The following ATP2B4 variants were observed in gnomAD, a reference collection of about 807,000 sequenced individuals.
ATP2B4 encodes ATPase plasma membrane Ca2+ transporting 4, also known as plasma membrane calcium-transporting ATPase 4.
ATP2B4 carries 39 observed loss-of-function variants against 110.3 expected under a neutral mutation model. That is an observed-to-expected ratio of 0.35 (90% CI 0.27 to 0.46). ATP2B4 has a LOEUF of 0.46. ATP2B4 is among the 20% of genes least tolerant of loss of function. ATP2B4 has a pLI of 1.00. For synonymous variants in ATP2B4, 538 were observed against 571.7 expected (o/e 0.94, Z 0.84); for missense variants, 1,135 against 1,530.9 (o/e 0.74, Z 4.32).
chr1:203,633,860 G>A (rs1328268411), intron 1 of ATP2B4, among the ~76,000 whole-genome samples: 1 of 152,040 alleles, frequency 6.6e-6, no homozygotes, highest in Non-Finnish European at 1.5e-5. Flanking sequence ...AGACTAGCCT[G>A]ACCAATATGG....
In ATP2B4 at chr1:203,741,358, T is replaced by C. The variant is rs1218597688; in HGVS notation, c.*1504T>C. ...CTGCCCAAAGCATCCCCTTCCCATC[T>C]GCCTCTCAGGAGTTGGGGACTTTGC... On this transcript the variant is annotated 3_prime_UTR_variant, in exon 21 of 21. Transcript: ENST00000357681. 1.3e-5 allele frequency: 2 copies of C among 152,650 alleles called. No individual in the cohort carries two copies. The highest frequency in any genetic ancestry group is 4.8e-5 in the African/African-American group (2 of 41,442). The allele number at this position is 152,650 out of a possible 1,614,324, so 9.5% of individuals were successfully genotyped here. A position where few individuals can be genotyped will look rare whatever the true frequency, so the allele number is the denominator to read the frequency against.
chr1:203,666,208 C>T (rs553394112), intron 1 of ATP2B4, among the ~76,000 whole-genome samples: 8 of 152,338 alleles, frequency 5.3e-5, no homozygotes, highest in African/African-American at 1.9e-4. Flanking sequence ...CAAGGGGATT[C>T]TCATAAGCCA....
Position 203,721,291 on chromosome 1 carries a change from C to T in ATP2B4, c.2693C>T (p.Ser898Phe). Residue 898 changes from serine to phenylalanine, a missense_variant, in exon 17 of 21, where the codon TCT becomes TTT. Physicochemically the swap from Ser to Phe is radical, Grantham distance 155 (BLOSUM62 -2). Coordinates refer to ENST00000357681, the MANE Select transcript of ATP2B4 (RefSeq NM_001684.5). ...LALATEPPTESLLKRRPYGRN... is the reference protein window; with the variant it reads ...LALATEPPTEFLLKRRPYGRN... ...CTGGCCACAGAGCCCCCTACGGAATCTCTGTTGAAGCGGCGCCCCTATGGC... is the reference window on the plus strand; with the variant it reads ...CTGGCCACAGAGCCCCCTACGGAATTTCTGTTGAAGCGGCGCCCCTATGGC... The T allele has an allele frequency of 3.7e-6, 6 of 1,614,256 alleles. No homozygotes were observed. Among genetic ancestry groups the T allele is most frequent in the Non-Finnish European group, 5.1e-6 (6 of 1,180,048 alleles).
chr1:203,653,223 A>G (rs1225219995), intron 1 of ATP2B4, among the ~76,000 whole-genome samples: 1 of 152,240 alleles, frequency 6.6e-6, no homozygotes, highest in Non-Finnish European at 1.5e-5. Flanking sequence ...AATCCAAGGC[A>G]AGATCCTAAA....
chr1:203,644,278 T>C (rs1162361832), intron 1 of ATP2B4, among the ~76,000 whole-genome samples: 1 of 147,312 alleles, frequency 6.8e-6, no homozygotes, highest in Non-Finnish European at 1.5e-5. Context: ...AAAAGAATGC[T>C]TGGATGGATG....
intron 20 of ATP2B4, among the ~76,000 whole-genome samples, chr1:203,736,869 C>T (rs1571783901): frequency 6.6e-6 from 1 of 152,182 alleles, no homozygotes; most frequent in Admixed American, 6.5e-5. Flanking sequence ...GAGGCCAGTG[C>T]TGGAGTTGGG....
At chr1:203,710,211 A>G (rs546288003) in intron 11 of ATP2B4, among the ~76,000 whole-genome samples, 4 of 152,184 alleles carry the variant, frequency 2.6e-5, no homozygotes, top group Admixed American at 2.0e-4. Flanking sequence ...ACTAAAAAAA[A>G]ATACAAAAAT....
intron 2 of ATP2B4, among the ~76,000 whole-genome samples, chr1:203,692,312 G>A (rs1358664355): frequency 6.6e-6 from 1 of 152,066 alleles, no homozygotes. Context: ...TGAGTAGCTG[G>A]GACCACAGGC....
At position 203,727,466 on chromosome 1, in the gene ATP2B4, G is replaced by C; in HGVS notation, c.3204G>C (p.Glu1068Asp). The change falls in exon 20 of 21, where the codon GAG becomes GAC. Residue 1068 changes from glutamate (E) to aspartate (D), a missense_variant. This residue lies in a region of ATP2B4 where 61 missense variants were observed against 123.4 expected (regional missense o/e 0.49). Transcript: ENST00000357681. ...CTGGGCATGGCACCACCAAAGAGGA[G>C]ATCACCAAGGATGCCGAGGGACTGG... ...KEAGHGTTKE[E>D]ITKDAEGLDE... 6.2e-7 allele frequency: 1 copy of C among 1,614,222 alleles called. No homozygotes were observed. Among genetic ancestry groups the C allele is most frequent in the South Asian group, 1.1e-5 (1 of 91,088 alleles).
At position 203,720,626 on chromosome 1, in the gene ATP2B4, G is replaced by A; in HGVS notation, c.2484G>A (p.Lys828=). 1 of 1,614,112 alleles carries A rather than the reference G, an allele frequency of 6.2e-7. No individual in the cohort carries two copies. The highest frequency in any genetic ancestry group is 8.5e-7 in the Non-Finnish European group (1 of 1,179,964). ...LTDDNFTSIV[K]AVMWGRNVYD... The stretch of plus-strand genomic sequence containing the variant: ...ATGACAACTTCACCAGCATTGTGAA[G>A]GCAGTGATGTGGGGACGAAATGTCT... The change falls in exon 16 of 21, where the codon AAG becomes AAA. Residue 828 remains lysine, a synonymous_variant. Coordinates refer to ENST00000357681, the MANE Select transcript of ATP2B4 (RefSeq NM_001684.5).
intron 2 of ATP2B4, among the ~76,000 whole-genome samples, chr1:203,691,653 A>T (rs4951074): frequency 6.6e-6 from 1 of 152,108 alleles, no homozygotes; most frequent in African/African-American, 2.4e-5. Flanking sequence ...ACCTTGAATC[A>T]ACTGCTTTAT....
intron 1 of ATP2B4, among the ~76,000 whole-genome samples, chr1:203,674,672 T>TCC (rs1558027821): frequency 3.8e-5 from 3 of 78,970 alleles, no homozygotes; most frequent in Admixed American, 2.0e-4. Context: ...TTTTTTTTTT[T>TCC]CTGAGATGGG....
At position 203,740,060 on chromosome 1, in the gene ATP2B4, G is replaced by C; in HGVS notation, c.*206G>C. ...TTAAGCTTGACTTGGGGTTTGTAGC[G>C]GGACCCAGTCAAACCCCATTCAGGT... On this transcript the variant is annotated 3_prime_UTR_variant, in exon 21 of 21. Transcript: ENST00000357681. The C allele has an allele frequency of 1.7e-6, 1 of 602,032 alleles. No homozygotes were observed. The allele number at this position is 602,032 out of a possible 1,614,324, so 37.3% of individuals were successfully genotyped here.
In ATP2B4 at chr1:203,699,376, T is replaced by C. The variant is rs1401738841; in HGVS notation, c.392-84T>C. On this transcript the variant is annotated intron_variant, in intron 3 of 20. Transcript: ENST00000357681. Reference sequence around the variant, plus strand: ...ATTCACTTTTCCTGACTTTCTATCTTGGGGTGATTGTGGAAGCACTACTCC... The same window carrying C: ...ATTCACTTTTCCTGACTTTCTATCTCGGGGTGATTGTGGAAGCACTACTCC... The C allele has an allele frequency of 5.8e-6, 9 of 1,554,004 alleles. No homozygotes were observed. In the African/African-American group the frequency reaches 1.1e-4, roughly 19 times the overall value.
intron 1 of ATP2B4, among the ~76,000 whole-genome samples, chr1:203,671,983 C>G (rs1664676994): frequency 6.6e-6 from 1 of 152,204 alleles, no homozygotes. Context: ...GGTGAATCCT[C>G]CATGTCTTCC....
At chr1:203,704,821 T>G (rs1665803274) in intron 8 of ATP2B4, among the ~76,000 whole-genome samples, 1 of 152,156 alleles carries the variant, frequency 6.6e-6, no homozygotes, top group Admixed American at 6.6e-5. Flanking sequence ...TGATTCCACC[T>G]TTCTGTTTAC....
At chr1:203,645,971 G>A (rs1217291972) in intron 1 of ATP2B4, among the ~76,000 whole-genome samples, 2 of 151,538 alleles carry the variant, frequency 1.3e-5, no homozygotes, top group African/African-American at 4.9e-5. Flanking sequence ...CACTTTTAGA[G>A]ACACCACGTT....
Position 203,701,053 on chromosome 1 carries a change from CT to C in ATP2B4, c.901+131del, listed in dbSNP as rs1224948002. 7 of 1,236,616 alleles carry C rather than the reference CT, an allele frequency of 5.7e-6. No individual in the cohort carries two copies. The African/African-American group carries it at 9.2e-5, about 16-fold the overall frequency. 76.6% of individuals were successfully genotyped at this position (1,236,616 alleles called of 1,614,324 possible). A position where few individuals can be genotyped will look rare whatever the true frequency, so the allele number is the denominator to read the frequency against. ...GCCATGAAGAAAGCAGATATCCAAA[CT>C]CCTTGCTGAGATAAAGATGTAAATC... On this transcript the variant is annotated intron_variant, in intron 6 of 20. Coordinates refer to ENST00000357681, the MANE Select transcript of ATP2B4 (RefSeq NM_001684.5).
chr1:203,666,004 T>G (rs936927894), intron 1 of ATP2B4, among the ~76,000 whole-genome samples: 1 of 152,160 alleles, frequency 6.6e-6, no homozygotes, highest in African/African-American at 2.4e-5. Flanking sequence ...TGGCTAGTAT[T>G]GTTACTGGTG....
Sources: gnomAD v4.1 joint callset for allele counts (sites outside exome capture counted in the v4.1 genomes callset) on GRCh38, gnomAD v4.1.1 for gene constraint, gnomAD v4.1.1 regional missense constraint, MANE v1.5 for transcripts, NCBI Gene and HGNC (gene_info 2026-07-23, HGNC 2026-07-21) for gene names.